The following R3HDM1 variants were observed in gnomAD, a reference collection of about 807,000 sequenced individuals.
R3HDM1 encodes the protein R3H domain containing 1.
Under a neutral mutation model 141.1 loss-of-function variants are expected in R3HDM1, and 46 were observed. The ratio of observed to expected loss-of-function variants is 0.33; its 90% CI spans 0.26 to 0.42. R3HDM1 has a LOEUF of 0.42. Ranked by LOEUF, R3HDM1 falls within the 10% of genes least tolerant of loss-of-function variation. R3HDM1 has a pLI of 1.00. For synonymous variants in R3HDM1, 435 were observed against 472.9 expected (o/e 0.92, Z 1.04); for missense variants, 1,184 against 1,368.3 (o/e 0.87, Z 2.12).
At chr2:135,676,885 G>A (rs898575298) in intron 20 of R3HDM1, among the ~76,000 whole-genome samples, 2 of 152,126 alleles carry the variant, frequency 1.3e-5, no homozygotes, top group African/African-American at 4.8e-5. Context: ...GGAAGATAGG[G>A]AATAGCCTAG....
At chr2:135,639,162 G>GGAAAACTAATGAC in intron 14 of R3HDM1, 40 bp downstream of exon 14, 1 of 1,580,086 alleles carries the variant, frequency 6.3e-7, no homozygotes, top group Non-Finnish European at 8.7e-7. Context: ...CAAGTCATTA[G>GGAAAACTAATGAC]TTTTCCTAAT....
intron 1 of R3HDM1, among the ~76,000 whole-genome samples, chr2:135,562,523 A>G (rs373037926): frequency 6.6e-6 from 1 of 152,178 alleles, no homozygotes; most frequent in Non-Finnish European, 1.5e-5. Context: ...TTGGCATCAG[A>G]TATACTAAGC....
chr2:135,692,800 G>A (rs1433835649), intron 21 of R3HDM1, among the ~76,000 whole-genome samples: 1 of 152,150 alleles, frequency 6.6e-6, no homozygotes, highest in East Asian at 1.9e-4. Flanking sequence ...ACCCTCAGCT[G>A]TGGTAGTGGC....
intron 1 of R3HDM1, among the ~76,000 whole-genome samples, chr2:135,569,984 C>T (rs1328577148): frequency 1.3e-5 from 2 of 152,128 alleles, no homozygotes; most frequent in African/African-American, 4.8e-5. Flanking sequence ...CCTCGGCCTC[C>T]CAAAGTGCTG....
At position 135,623,094 on chromosome 2, in the gene R3HDM1, G is replaced by A. The variant is rs1235581473; in HGVS notation, c.497+362G>A. ...TTAGTGTATTCACTTATGAGTTTTT[G>A]AAGTTTTTAAATGCAAAGTTTTTGT... On this transcript the variant is annotated intron_variant, in intron 7 of 26. Transcript: ENST00000683871. 7 of 951,548 alleles carry A rather than the reference G, an allele frequency of 7.4e-6. 1 individual carries two copies. The Middle Eastern group carries it at 2.1e-3, about 289-fold the overall frequency. 58.9% of individuals were successfully genotyped at this position (951,548 alleles called of 1,614,324 possible). A position where few individuals can be genotyped will look rare whatever the true frequency, so the allele number is the denominator to read the frequency against.
Position 135,543,738 on chromosome 2 carries a change from A to T in R3HDM1, c.-250+12105A>T, listed in dbSNP as rs527961290. Among the ~76,000 whole-genome samples the T allele has an allele frequency of 2.0e-5, 3 of 152,360 alleles. No homozygotes were observed. The South Asian group carries it at 6.2e-4, about 32-fold the overall frequency. ...ATTTCCTTAATGTCTGGCTTAACCG[A>T]AGAAGATGGCTGGGTTCACATACCT... On this transcript the variant is annotated intron_variant, in intron 1 of 26. Coordinates refer to ENST00000683871, the MANE Select transcript of R3HDM1 (RefSeq NM_001378107.1).
In R3HDM1 at chr2:135,548,269, A is replaced by G. The variant is rs1029320794; in HGVS notation, c.-250+16636A>G. Reference sequence around the variant, plus strand: ...AAAATTTGATAAATTACTCAATTTTACAGTTAACCTTTTGCTCTTTTTGCT... The same window carrying G: ...AAAATTTGATAAATTACTCAATTTTGCAGTTAACCTTTTGCTCTTTTTGCT... On this transcript the variant is annotated intron_variant, in intron 1 of 26. Transcript: ENST00000683871. Among the ~76,000 whole-genome samples, 3 of 152,214 alleles carry G rather than the reference A, an allele frequency of 2.0e-5. No homozygotes were observed. The South Asian group carries it at 6.2e-4, about 31-fold the overall frequency.
chr2:135,612,246 C>T (rs2060616813), intron 3 of R3HDM1, among the ~76,000 whole-genome samples: 1 of 152,140 alleles, frequency 6.6e-6, no homozygotes, highest in Non-Finnish European at 1.5e-5. Context: ...CATTATCTTC[C>T]TTACAATTGC....
At chr2:135,696,739 C>T (rs1191846595) in intron 21 of R3HDM1, among the ~76,000 whole-genome samples, 5 of 152,198 alleles carry the variant, frequency 3.3e-5, no homozygotes, top group African/African-American at 4.8e-5. Context: ...AATCCTCCCA[C>T]CTCAGTCTCC....
intron 19 of R3HDM1, among the ~76,000 whole-genome samples, chr2:135,661,922 C>T (rs2066773280): frequency 6.6e-6 from 1 of 152,134 alleles, no homozygotes; most frequent in South Asian, 2.1e-4. Flanking sequence ...TATTTTTAAA[C>T]CAAATACAAT....
intron 21 of R3HDM1, among the ~76,000 whole-genome samples, chr2:135,696,189 C>T (rs1249574370): frequency 6.6e-6 from 1 of 152,110 alleles, no homozygotes; most frequent in Non-Finnish European, 1.5e-5. Context: ...ATGGATGAAT[C>T]TCATAATTAT....
At chr2:135,699,450 G>A (rs541116953) in intron 21 of R3HDM1, among the ~76,000 whole-genome samples, 1 of 152,302 alleles carries the variant, frequency 6.6e-6, no homozygotes, top group South Asian at 2.1e-4. Flanking sequence ...CACAAAAATG[G>A]AAGCGGGTTA....
chr2:135,565,361 TA>T (rs1475134614), intron 1 of R3HDM1, among the ~76,000 whole-genome samples: 9 of 145,210 alleles, frequency 6.2e-5, no homozygotes, highest in African/African-American at 2.4e-4. Flanking sequence ...TTATTATTAT[TA>T]TTTTTAAATT....
chr2:135,611,342 A>G (rs2060532134), intron 3 of R3HDM1, among the ~76,000 whole-genome samples: 1 of 152,122 alleles, frequency 6.6e-6, no homozygotes, highest in Non-Finnish European at 1.5e-5. Flanking sequence ...TCAAGGCTAT[A>G]GTGAGCTGTG....
intron 21 of R3HDM1, among the ~76,000 whole-genome samples, chr2:135,698,052 CAAAAAAA>C (rs1193995693): frequency 1.4e-5 from 1 of 72,934 alleles, no homozygotes; most frequent in Non-Finnish European, 2.8e-5. Flanking sequence ...AACTCTGTCT[CAAAAAAA>C]AAAAAAAAAA....
chr2:135,631,037 G>A (rs2062658861), intron 7 of R3HDM1, among the ~76,000 whole-genome samples: 1 of 151,966 alleles, frequency 6.6e-6, no homozygotes. Context: ...ATTTTTATGG[G>A]AAAATTTAAA....
At chr2:135,589,870 T>C (rs1165643887) in intron 1 of R3HDM1, among the ~76,000 whole-genome samples, 1 of 152,060 alleles carries the variant, frequency 6.6e-6, no homozygotes, top group Non-Finnish European at 1.5e-5. Context: ...TGCAAATCTG[T>C]CATCTTATAA....
chr2:135,586,628 AAGTG>A (rs1559174934), intron 1 of R3HDM1: 4 of 886,894 alleles, frequency 4.5e-6, no homozygotes, highest in Non-Finnish European at 5.4e-6. Flanking sequence ...ACTATATTGA[AAGTG>A]AGAGCATTTT....
At position 135,722,479 on chromosome 2, in the gene R3HDM1, G is replaced by T; in HGVS notation, c.2975G>T (p.Gly992Val). The stretch of plus-strand genomic sequence containing the variant: ...TTTGTGGGTTTTCAGGGTCAGCCTG[G>T]CAGCAGGCATGGAAACCGAGGAAGG... ...GHIPNQQGQP[G>V]SRHGNRGRRQ... Residue 992 changes from glycine to valine, a missense_variant, in exon 26 of 27, where the codon GGC (glycine) becomes GTC (valine). Coordinates refer to ENST00000683871, the MANE Select transcript of R3HDM1 (RefSeq NM_001378107.1). 6.2e-7 allele frequency: 1 copy of T among 1,613,706 alleles called. No homozygotes were observed. Among genetic ancestry groups the T allele is most frequent in the South Asian group, 1.1e-5 (1 of 90,992 alleles).
Sources: allele counts gnomAD v4.1 joint callset (sites outside exome capture counted in the v4.1 genomes callset), GRCh38; gene constraint gnomAD v4.1.1; transcripts MANE v1.5; gene names NCBI Gene and HGNC (gene_info 2026-07-23, HGNC 2026-07-21).